WWOX: variants seen among roughly 807,000 people sequenced by gnomAD.
WWOX encodes WW domain containing oxidoreductase, also known as WW domain-containing oxidoreductase.
Under a neutral mutation model 46.2 loss-of-function variants are expected in WWOX, and 69 were observed. The ratio of observed to expected loss-of-function variants is 1.49; its 90% confidence interval spans 1.23 to 1.82. The LOEUF is 1.82. Ranked by LOEUF, WWOX falls within the 40% of genes most tolerant of loss-of-function variation. The pLI is 0.00. For synonymous variants in WWOX, 359 were observed against 202.6 expected, an observed-to-expected ratio of 1.77 and a Z score of -6.56; for missense variants, 919 against 542.6, an observed-to-expected ratio of 1.69 and a Z score of -6.89.
chr16:79,138,969 C>A (rs1391883511), intron 8 of WWOX, among the ~76,000 whole-genome samples: 1 of 152,110 alleles, frequency 6.6e-6, no homozygotes, highest in African/African-American at 2.4e-5. Flanking sequence ...AGTCTTCCCC[C>A]ATCCACACAT....
intron 8 of WWOX, among the ~76,000 whole-genome samples, chr16:78,821,385 T>C (rs1352157131): frequency 6.6e-6 from 1 of 152,178 alleles, no homozygotes; most frequent in East Asian, 1.9e-4. Context: ...CTCTGGTTTA[T>C]CCTTCTTTCC....
intron 8 of WWOX, among the ~76,000 whole-genome samples, chr16:78,779,964 C>A (rs1371963024): frequency 6.6e-6 from 1 of 152,176 alleles, no homozygotes. Context: ...CCAGACCAAG[C>A]CCTTTCTTGT....
At chr16:78,978,482 A>G (rs1476977585) in intron 8 of WWOX, among the ~76,000 whole-genome samples, 1 of 152,140 alleles carries the variant, frequency 6.6e-6, no homozygotes, top group East Asian at 1.9e-4. Flanking sequence ...AGTTTCTCAC[A>G]CTGTCACCAA....
chr16:79,057,534 A>T (rs2048285475), intron 8 of WWOX, among the ~76,000 whole-genome samples: 1 of 151,928 alleles, frequency 6.6e-6, no homozygotes, highest in Admixed American at 6.6e-5. Context: ...CCGCACTTGG[A>T]GATTTGATCC....
At chr16:79,112,042 C>G (rs2150658103) in intron 8 of WWOX, among the ~76,000 whole-genome samples, 1 of 152,296 alleles carries the variant, frequency 6.6e-6, no homozygotes, top group South Asian at 2.1e-4. Context: ...AGCCATACCT[C>G]AATGTCCAGA....
intron 8 of WWOX, chr16:78,895,556 AG>A (rs2044682975): frequency 6.6e-6 from 1 of 152,200 alleles, no homozygotes; most frequent in South Asian, 2.1e-4. Context: ...CCACAGGCAA[AG>A]ATCTATTCTC....
At chr16:79,028,089 T>C (rs1300017915) in intron 8 of WWOX, among the ~76,000 whole-genome samples, 1 of 151,788 alleles carries the variant, frequency 6.6e-6, no homozygotes, top group East Asian at 1.9e-4. Flanking sequence ...TAGCTGAGAC[T>C]ACAGGCACCT....
chr16:78,378,095 A>G (rs917522390), intron 5 of WWOX, among the ~76,000 whole-genome samples: 3 of 152,122 alleles, frequency 2.0e-5, no homozygotes, highest in African/African-American at 7.2e-5. Flanking sequence ...CTGTTCTTCA[A>G]GAATCCCCCT....
chr16:78,998,087 G>C (rs1597254870), intron 8 of WWOX, among the ~76,000 whole-genome samples: 2 of 152,060 alleles, frequency 1.3e-5, no homozygotes, highest in East Asian at 3.9e-4. Flanking sequence ...TGTTGTTCAG[G>C]GTGGTCTTGA....
At chr16:78,678,936 T>G (rs1271521539) in intron 8 of WWOX, among the ~76,000 whole-genome samples, 2 of 152,154 alleles carry the variant, frequency 1.3e-5, no homozygotes, top group East Asian at 3.9e-4. Flanking sequence ...TTGTTCAGAG[T>G]GGGCCTGGCA....
intron 8 of WWOX, among the ~76,000 whole-genome samples, chr16:78,607,363 G>T (rs1245526418): frequency 1.3e-5 from 2 of 152,106 alleles, no homozygotes; most frequent in Non-Finnish European, 2.9e-5. Context: ...CTTCCCTTTT[G>T]TTTGTGAGTC....
chr16:78,822,207 C>A (rs533081737), intron 8 of WWOX, among the ~76,000 whole-genome samples: 1 of 151,646 alleles, frequency 6.6e-6, no homozygotes, highest in African/African-American at 2.4e-5. Flanking sequence ...AAAAAATCTA[C>A]GTGAGGCCAG....
intron 8 of WWOX, among the ~76,000 whole-genome samples, chr16:78,939,184 T>C (rs2045802661): frequency 6.6e-6 from 1 of 152,138 alleles, no homozygotes; most frequent in Non-Finnish European, 1.5e-5. Context: ...GAACAGTTTA[T>C]ATAATCATCA....
chr16:78,677,324 T>C (rs1001836692), intron 8 of WWOX, among the ~76,000 whole-genome samples: 3 of 152,216 alleles, frequency 2.0e-5, no homozygotes, highest in African/African-American at 7.2e-5. Context: ...CTGCCAGAGG[T>C]TGAAAACTCA....
At chr16:78,431,270 T>C (rs1453178100) in intron 7 of WWOX, among the ~76,000 whole-genome samples, 4 of 152,206 alleles carry the variant, frequency 2.6e-5, no homozygotes, top group Non-Finnish European at 5.9e-5. Flanking sequence ...ACATTAGATT[T>C]TGCCAGAACT....
At chr16:79,018,735 C>T (rs1467791990) in intron 8 of WWOX, among the ~76,000 whole-genome samples, 1 of 152,164 alleles carries the variant, frequency 6.6e-6, no homozygotes, top group African/African-American at 2.4e-5. Flanking sequence ...GAGCCATAAA[C>T]CAGGGTCTTT....
intron 8 of WWOX, among the ~76,000 whole-genome samples, chr16:79,011,459 T>TTTTATTTA (rs56691445): frequency 0.031 from 4,133 of 131,964 alleles, 69 homozygotes; most frequent in African/African-American, 0.045. Context: ...TTATTTTTTA[T>TTTTATTTA]TTTATTTATT....
chr16:78,540,018 TCTCACACACACACA>T (rs1447985158), intron 8 of WWOX, among the ~76,000 whole-genome samples: 2 of 102,452 alleles, frequency 2.0e-5, no homozygotes, highest in Non-Finnish European at 4.8e-5. Context: ...TCTCTCTCTC[TCTCACACACACACA>T]CACACACACA....
rs556946738 is a variant in WWOX at position 78,621,728 on chromosome 16, C to T, written c.1056+188976C>T. On this transcript the variant is annotated intron_variant, in intron 8 of 8. Coordinates refer to ENST00000566780, the MANE Select transcript of WWOX (RefSeq NM_016373.4). The stretch of plus-strand genomic sequence containing the variant: ...CATGCCATTCTCCTGCCTCAGCCTG[C>T]GGAGTAGCTGGGACTACAGGCACTC... Among the ~76,000 whole-genome samples the T allele has an allele frequency of 7.5e-4, 112 of 149,918 alleles. 1 individual carries two copies. Among genetic ancestry groups the T allele is most frequent in the Non-Finnish European group, 1.1e-3 (77 of 67,668 alleles).
Sources: allele counts gnomAD v4.1 joint callset (sites outside exome capture counted in the v4.1 genomes callset), GRCh38; gene constraint gnomAD v4.1.1; transcripts MANE v1.5; gene names NCBI Gene and HGNC (gene_info 2026-07-23, HGNC 2026-07-21).